ATG2B: variants seen among roughly 807,000 people sequenced by gnomAD.
The protein encoded by ATG2B is autophagy related 2B.
ATG2B carries 121 observed loss-of-function variants against 241.3 expected under a neutral mutation model. The observed-to-expected ratio is 0.50, with a 90% CI of 0.43 to 0.58. The LOEUF is 0.58. Ranked by LOEUF, ATG2B falls within the 20% of genes least tolerant of loss-of-function variation. ATG2B has a pLI of 0.00. For synonymous variants in ATG2B, 858 were observed against 876.6 expected (o/e 0.98, Z 0.37); for missense variants, 2,306 against 2,491.6 (o/e 0.93, Z 1.59).
chr14:96,356,102 C>T (rs576036229), intron 1 of ATG2B, among the ~76,000 whole-genome samples: 1 of 150,552 alleles, frequency 6.6e-6, no homozygotes, highest in East Asian at 2.0e-4. Flanking sequence ...ACCCGGGAGG[C>T]GGAGCTTGCA....
intron 2 of ATG2B, among the ~76,000 whole-genome samples, chr14:96,346,806 G>A (rs1888180651): frequency 6.6e-6 from 1 of 151,996 alleles, no homozygotes; most frequent in Non-Finnish European, 1.5e-5. Context: ...TCCCAAATAT[G>A]GCCAAGGGAA....
chr14:96,331,715 TATTA>T, intron 10 of ATG2B, 78 bp from the exon 11 acceptor site: 1 of 1,155,636 alleles, frequency 8.7e-7, no homozygotes, highest in Admixed American at 2.7e-5. Context: ...TTTACTCATT[TATTA>T]GCTTTAAAAA....
Position 96,304,572 on chromosome 14 carries a change from T to G in ATG2B, c.4765A>C (p.Thr1589Pro). The G allele has an allele frequency of 6.2e-7, 1 of 1,606,018 alleles. No individual in the cohort carries two copies. The highest frequency in any genetic ancestry group is 8.5e-7 in the Non-Finnish European group (1 of 1,176,572). ...SPHSSPSHTP[T>P]RHGRNTVCGG... Reference sequence around the variant, plus strand: ...CATACTGTATTACGTCCATGTCTCGTGGGTGTGTGAGAAGGCGAACTGTGG... The same window carrying G: ...CATACTGTATTACGTCCATGTCTCGGGGGTGTGTGAGAAGGCGAACTGTGG... The change falls in exon 32 of 42, where the codon ACG becomes CCG. Residue 1589 changes from threonine (T) to proline (P), a missense_variant. By Grantham distance (38) the Thr-to-Pro change is conservative. Coordinates refer to ENST00000359933, the MANE Select transcript of ATG2B (RefSeq NM_018036.7).
intron 1 of ATG2B, among the ~76,000 whole-genome samples, chr14:96,361,536 C>CA (rs1381403856): frequency 6.6e-6 from 1 of 152,170 alleles, no homozygotes; most frequent in Non-Finnish European, 1.5e-5. Flanking sequence ...AGTATAGAAT[C>CA]ATGGGTTGTT....
At chr14:96,361,337 T>C (rs1385763402) in intron 1 of ATG2B, among the ~76,000 whole-genome samples, 1 of 152,222 alleles carries the variant, frequency 6.6e-6, no homozygotes, top group Non-Finnish European at 1.5e-5. Context: ...GGCCATGTGA[T>C]GTAATACTTG....
In ATG2B at chr14:96,289,501, C is replaced by T; in HGVS notation, c.6006+155G>A. On this transcript the variant is annotated intron_variant, in intron 41 of 41. Coordinates refer to ENST00000359933, the MANE Select transcript of ATG2B (RefSeq NM_018036.7). This position sits in a 1 kb window ranked among gnomAD's most constrained non-coding sequence, Gnocchi z 4.3. ...GTCCCAGACTGGCCCTTTTCCATCACCTCACACAGATATGGGCACATGTTA... is the reference window on the plus strand; with the variant it reads ...GTCCCAGACTGGCCCTTTTCCATCATCTCACACAGATATGGGCACATGTTA... 1.2e-6 allele frequency: 1 copy of T among 868,490 alleles called. No individual in the cohort carries two copies. Among genetic ancestry groups the T allele is most frequent in the Non-Finnish European group, 1.8e-6 (1 of 564,260 alleles). 53.8% of individuals were successfully genotyped at this position (868,490 alleles called of 1,614,324 possible).
At chr14:96,328,803 A>G in intron 12 of ATG2B, 37 bp from the exon 13 acceptor site, 2 of 1,491,092 alleles carry the variant, frequency 1.3e-6, no homozygotes, top group Non-Finnish European at 1.8e-6. Flanking sequence ...AAATGTATTA[A>G]TCACAAGAAT....
At position 96,328,454 on chromosome 14, in the gene ATG2B, T is replaced by C. The variant is rs999574231; in HGVS notation, c.2056A>G (p.Ile686Val). The change falls in exon 14 of 42, where the codon ATC becomes GTC. Residue 686 changes from isoleucine (I) to valine (V), a missense_variant. Physicochemically the swap from Ile to Val is conservative, Grantham distance 29. Coordinates refer to ENST00000359933, the MANE Select transcript of ATG2B (RefSeq NM_018036.7). ...KLNPVCCELD[I>V]SIVDRLNSLL... is the part of the protein sequence containing the mutation. Reference sequence around the variant, plus strand: ...GAATTTAACCTGTCCACAATACTGATATCCAGCTCACAACACACTGGATTT... The same window carrying C: ...GAATTTAACCTGTCCACAATACTGACATCCAGCTCACAACACACTGGATTT... 3 of 1,613,430 alleles carry C rather than the reference T, an allele frequency of 1.9e-6. No individual in the cohort carries two copies. Among genetic ancestry groups the C allele is most frequent in the African/African-American group, 2.7e-5 (2 of 74,868 alleles).
rs1255640290 is a variant in ATG2B at position 96,279,506 on chromosome 14, G to A, written c.*6249C>T. ...TCCCTAAGTCCCTTGCCCTCCTGAA[G>A]GAAGTCAAACAGGGAAACAGACGTG... On this transcript the variant is annotated 3_prime_UTR_variant, in exon 42 of 42. Coordinates refer to ENST00000359933, the MANE Select transcript of ATG2B (RefSeq NM_018036.7). The A allele has an allele frequency of 1.3e-5, 2 of 152,260 alleles. No individual in the cohort carries two copies. The highest frequency in any genetic ancestry group is 2.9e-5 in the Non-Finnish European group (2 of 68,054). The allele number at this position is 152,260 out of a possible 1,614,324, so 9.4% of individuals were successfully genotyped here.
At chr14:96,327,493 G>C (rs528882582) in intron 14 of ATG2B, among the ~76,000 whole-genome samples, 1 of 152,010 alleles carries the variant, frequency 6.6e-6, no homozygotes, top group East Asian at 1.9e-4. Context: ...ATGTTCAATA[G>C]ATTATTTTCA....
At chr14:96,296,691 G>A (rs1420784407) in intron 34 of ATG2B, among the ~76,000 whole-genome samples, 1 of 151,460 alleles carries the variant, frequency 6.6e-6, no homozygotes, top group African/African-American at 2.4e-5. Context: ...AACCTGGGAG[G>A]CGGAGGCTGC....
chr14:96,320,588 A>G (rs1209478980), intron 18 of ATG2B, among the ~76,000 whole-genome samples: 1 of 152,214 alleles, frequency 6.6e-6, no homozygotes, highest in East Asian at 1.9e-4. Context: ...ATATTCAAAG[A>G]AAAGGCCTTG....
At chr14:96,316,754 G>T in intron 20 of ATG2B, 71 bp from the exon 21 acceptor site, 1 of 1,355,242 alleles carries the variant, frequency 7.4e-7, no homozygotes, top group Non-Finnish European at 1.0e-6. Flanking sequence ...TCCTTGAGAT[G>T]CTCTTTGTTG....
intron 6 of ATG2B, among the ~76,000 whole-genome samples, chr14:96,337,686 T>C (rs1384172914): frequency 5.3e-5 from 8 of 152,186 alleles, no homozygotes; most frequent in Non-Finnish European, 1.0e-4. Context: ...TACAGCCTTG[T>C]AGTATAATTT....
chr14:96,314,165 T>C (rs12880861), intron 23 of ATG2B, among the ~76,000 whole-genome samples: 146,589 of 152,316 alleles, frequency 0.96, 70,734 homozygotes, highest in Non-Finnish European at 0.99. Flanking sequence ...AGACAGATAT[T>C]CTCATGTTTC....
At chr14:96,320,477 A>C (rs529548762) in intron 18 of ATG2B, among the ~76,000 whole-genome samples, 3 of 152,228 alleles carry the variant, frequency 2.0e-5, no homozygotes, top group Admixed American at 2.0e-4. Flanking sequence ...TTCTGGGTAC[A>C]CTTTATGCAA....
Position 96,305,704 on chromosome 14 carries a change from G to A in ATG2B, c.4618C>T (p.His1540Tyr), listed in dbSNP as rs1886924030. Residue 1540 changes from histidine to tyrosine, a missense_variant, in exon 31 of 42, where the codon CAC becomes TAC. Physicochemically the swap from His to Tyr is moderately conservative, Grantham distance 83. Coordinates refer to ENST00000359933, the MANE Select transcript of ATG2B (RefSeq NM_018036.7). Reference protein sequence around the residue: ...NKTDTSKAPLHFPIPVIRYVV... With the variant: ...NKTDTSKAPLYFPIPVIRYVV... ...TAGCGAATCACAGGAATGGGAAAGT[G>A]TAAGGGGGCTTTGCTCGTATCGGTC... is the stretch of plus-strand genomic sequence containing the variant. 1 of 1,614,186 alleles carries A rather than the reference G, an allele frequency of 6.2e-7. No individual in the cohort carries two copies. Among genetic ancestry groups the A allele is most frequent in the African/African-American group, 1.3e-5 (1 of 75,068 alleles).
At chr14:96,334,341 T>A in intron 7 of ATG2B, 64 bp downstream of exon 7, 1 of 981,746 alleles carries the variant, frequency 1.0e-6, no homozygotes. Flanking sequence ...ATACATTACA[T>A]ATTTTAAAGT....
Position 96,308,257 on chromosome 14 carries a change from C to CAT in ATG2B, c.4303+1194_4303+1195dup, listed in dbSNP as rs1229180497. Among the ~76,000 whole-genome samples, 39 of 33,716 alleles carry CAT rather than the reference C, an allele frequency of 1.2e-3. 1 individual carries two copies. Among genetic ancestry groups the CAT allele is most frequent in the East Asian group, 0.01 (13 of 1,274 alleles). The allele number at this position is 33,716 out of a possible 152,430, so 22.1% of individuals were successfully genotyped here. ...ATATATATATATATATATATACACACATATATATATATATATATATATATA... is the reference window on the plus strand; with the variant it reads ...ATATATATATATATATATATACACACATATATATATATATATATATATATATA... On this transcript the variant is annotated intron_variant, in intron 29 of 41. Coordinates refer to ENST00000359933, the MANE Select transcript of ATG2B (RefSeq NM_018036.7).
Sources: gnomAD v4.1 joint callset for allele counts (sites outside exome capture counted in the v4.1 genomes callset) on GRCh38, gnomAD v4.1.1 for gene constraint, Gnocchi (gnomAD v3.1) non-coding constraint, MANE v1.5 for transcripts, NCBI Gene and HGNC (gene_info 2026-07-23, HGNC 2026-07-21) for gene names.